CEP170B: variants seen among roughly 807,000 people sequenced by gnomAD.
The protein encoded by CEP170B is centrosomal protein 170B, also known as centrosomal protein of 170 kDa protein B.
In CEP170B, 55 loss-of-function variants were observed where a neutral mutation model predicts 120.6. The observed-to-expected ratio is 0.46, with a 90% CI of 0.37 to 0.57. CEP170B has a LOEUF of 0.57. Among genes scored for constraint, CEP170B ranks in the 20% least tolerant of loss-of-function variants. The probability of loss-of-function intolerance (pLI) is 0.00; values close to 1 mark genes in which losing one functional copy is unlikely to be tolerated. For missense variants in CEP170B, 2,212 were observed against 2,253.3 expected, an observed-to-expected ratio of 0.98 and a Z score of 0.37; for synonymous variants, 1,033 against 954.5, an observed-to-expected ratio of 1.08 and a Z score of -1.52.
At chr14:104,885,290 G>C (rs1896412117) in intron 9 of CEP170B, 79 bp from the exon 10 acceptor site, 1 of 1,429,790 alleles carries the variant, frequency 7.0e-7, no homozygotes, top group Admixed American at 2.8e-5. Flanking sequence ...CCTGTGGCCT[G>C]GGGGTGGCCA....
At chr14:104,890,615 A>ATGGAT (rs1896790770) in intron 13 of CEP170B, among the ~76,000 whole-genome samples, 1 of 18,356 alleles carries the variant, frequency 5.4e-5, no homozygotes, top group Non-Finnish European at 1.2e-4. Flanking sequence ...GATGGATGGA[A>ATGGAT]GGATGGATGA....
Position 104,885,396 on chromosome 14 carries a change from C to T in CEP170B, c.1798C>T (p.Leu600Phe), listed in dbSNP as rs748159843. The T allele has an allele frequency of 1.7e-5, 27 of 1,569,996 alleles. No individual in the cohort carries two copies. In the African/African-American group the frequency reaches 3.5e-4, roughly 20 times the overall value. Residue 600 changes from leucine to phenylalanine, a missense_variant, in exon 10 of 19, where the codon CTC becomes TTC. This residue lies in a region of CEP170B where 2,166 missense variants were observed against 2,166.7 expected (regional missense o/e 1.00). Coordinates refer to ENST00000414716, the MANE Select transcript of CEP170B (RefSeq NM_001112726.3). ...QVFGVLESPE[L>F]SRASSATFRP... ...CTTTGGGGTGTTGGAGTCCCCTGAA[C>T]TCTCCAGGGCATCTTCGGCCACCTT... is the stretch of plus-strand genomic sequence containing the variant.
upstream of CEP170B, chr14:104,865,178 G>T (rs1207923918): frequency 6.8e-6 from 1 of 146,032 alleles, no homozygotes; most frequent in Non-Finnish European, 1.5e-5. The surrounding 1 kb of genome is among the most constrained non-coding windows in gnomAD (Gnocchi z 6.7). Context: ...CCGGCGGGGC[G>T]GCGCGGGGTG....
rs964420919 is a variant in CEP170B at position 104,884,176 on chromosome 14, C to T, written c.1397C>T (p.Ser466Leu). 1.3e-5 allele frequency: 20 copies of T among 1,547,184 alleles called. No individual in the cohort carries two copies. The highest frequency in any genetic ancestry group is 6.8e-5 in the African/African-American group (5 of 73,160). The change falls in exon 9 of 19, where the codon TCG becomes TTG. Residue 466 changes from serine (S) to leucine (L), a missense_variant. By Grantham distance (145) the Ser-to-Leu change is moderately radical (BLOSUM62 -2). Coordinates refer to ENST00000414716, the MANE Select transcript of CEP170B (RefSeq NM_001112726.3). ...AGCTCGGGGCCACAGAGGGCCGGCT[C>T]GCTCAAGCGGGAGAAGACAGAGGAA... ...GRSSGPQRAG[S>L]LKREKTEERL... is the part of the protein sequence containing the mutation.
Position 104,884,486 on chromosome 14 carries a change from A to T in CEP170B, c.1707A>T (p.Thr569=). 1 of 1,564,524 alleles carries T rather than the reference A, an allele frequency of 6.4e-7. No homozygotes were observed. The highest frequency in any genetic ancestry group is 8.7e-7 in the Non-Finnish European group (1 of 1,154,446). Residue 569 remains threonine, a synonymous_variant, in exon 9 of 19, where the codon ACA becomes ACT. Transcript: ENST00000414716. The part of the protein sequence containing the change: ...EEDDSLSDAG[T]YTIETEAQDT... ...ACGACAGCCTCAGTGACGCAGGGACATACACCATCGAGACCGAGGCGCAGG... is the reference window on the plus strand; with the variant it reads ...ACGACAGCCTCAGTGACGCAGGGACTTACACCATCGAGACCGAGGCGCAGG...
chr14:104,873,331 G>A lies in CEP170B; in HGVS notation c.106-2925G>A, dbSNP rs181124273. On this transcript the variant is annotated intron_variant, in intron 2 of 18. Coordinates refer to ENST00000414716, the MANE Select transcript of CEP170B (RefSeq NM_001112726.3). Reference sequence around the variant, plus strand: ...GGGAAGGTGGGTGCAGGCAGGGGAGGGGGCTTGGACTGAAGGTGAGACCCA... The same window carrying A: ...GGGAAGGTGGGTGCAGGCAGGGGAGAGGGCTTGGACTGAAGGTGAGACCCA... Among the ~76,000 whole-genome samples the A allele has an allele frequency of 8.5e-3, 1,294 of 151,942 alleles. 9 individuals carry two copies. Among genetic ancestry groups the A allele is most frequent in the Middle Eastern group, 0.014 (4 of 294 alleles).
intron 1 of CEP170B, among the ~76,000 whole-genome samples, chr14:104,866,319 G>A (rs955299484): frequency 2.0e-5 from 3 of 152,222 alleles, no homozygotes; most frequent in African/African-American, 7.2e-5. Context: ...GCCGCGGCAG[G>A]TGATGGCAGA....
Position 104,893,505 on chromosome 14 carries a change from C to A in CEP170B, c.4039-18C>A. ...AGCCTCTGCCTGGGGCCCACGGTGC[C>A]GGCCCTCCCTCTTGCAGCTGGTGCA... On this transcript the variant is annotated intron_variant, in intron 14 of 18. Transcript: ENST00000414716. 6.3e-7 allele frequency: 1 copy of A among 1,596,444 alleles called. No homozygotes were observed. Among genetic ancestry groups the A allele is most frequent in the South Asian group, 1.1e-5 (1 of 87,670 alleles).
intron 13 of CEP170B, among the ~76,000 whole-genome samples, chr14:104,890,589 GGTGA>G (rs1374084394): frequency 2.9e-5 from 4 of 137,898 alleles, no homozygotes; most frequent in Admixed American, 7.2e-5. Context: ...TGGATGGATG[GGTGA>G]GTGAGTGGGT....
Position 104,886,141 on chromosome 14 carries a change from C to A in CEP170B, c.2035+11C>A. 2 of 1,527,608 alleles carry A rather than the reference C, an allele frequency of 1.3e-6. No homozygotes were observed. Among genetic ancestry groups the A allele is most frequent in the Non-Finnish European group, 8.8e-7 (1 of 1,138,566 alleles). 94.6% of individuals were successfully genotyped at this position (1,527,608 alleles called of 1,614,324 possible). ...ACCCGGGCCTCACAGGTAAGTGGCTCCAGTGCTGCGGGGGAGTCGGGCCAG... is the reference window on the plus strand; with the variant it reads ...ACCCGGGCCTCACAGGTAAGTGGCTACAGTGCTGCGGGGGAGTCGGGCCAG... On this transcript the variant is annotated intron_variant, in intron 11 of 18. Coordinates refer to ENST00000414716, the MANE Select transcript of CEP170B (RefSeq NM_001112726.3).
chr14:104,880,229 C>G (rs1476906571), intron 5 of CEP170B, 58 bp from the exon 6 acceptor site: 4 of 1,548,930 alleles, frequency 2.6e-6, no homozygotes, highest in Non-Finnish European at 3.5e-6. Flanking sequence ...TGGGCCCACC[C>G]TGGTGGGTTC....
Position 104,887,025 on chromosome 14 carries a change from T to C in CEP170B, c.2786T>C (p.Leu929Pro). The C allele has an allele frequency of 6.2e-7, 1 of 1,610,982 alleles. No homozygotes were observed. The highest frequency in any genetic ancestry group is 8.5e-7 in the Non-Finnish European group (1 of 1,179,796). Residue 929 changes from leucine (L) to proline (P), a missense_variant, in exon 12 of 19, where the codon CTC becomes CCC. Leu to Pro is a moderately conservative substitution (Grantham distance 98). Transcript: ENST00000414716. ...CTGGCGGCCCTGGAGGCCCGACTCC[T>C]CTCTAATTCTGTGGATGCCGAGTGT... Reference protein sequence around the residue: ...TALAALEARLLSNSVDAECEG... With the variant: ...TALAALEARLPSNSVDAECEG...
chr14:104,894,810 T>G lies in CEP170B; in HGVS notation c.4517T>G (p.Val1506Gly). Residue 1506 changes from valine to glycine, a missense_variant, in exon 19 of 19, where the codon GTG (valine) becomes GGG (glycine). By Grantham distance (109) the Val-to-Gly change is moderately radical (BLOSUM62 -3). Transcript: ENST00000414716. ...SAQPGLGKGR[V>G]AAQSPPSPAS... ...CAGCCGGGGCTGGGGAAGGGCCGCG[T>G]GGCTGCCCAGAGCCCACCCTCACCC... 4 of 1,608,832 alleles carry G rather than the reference T, an allele frequency of 2.5e-6. No homozygotes were observed. In the South Asian group the frequency reaches 4.4e-5, roughly 18 times the overall value.
At chr14:104,875,528 C>T (rs1261944052) in intron 2 of CEP170B, among the ~76,000 whole-genome samples, 2 of 151,832 alleles carry the variant, frequency 1.3e-5, no homozygotes, top group African/African-American at 2.4e-5. Context: ...GGGCAGCAGC[C>T]GTGCTTGCAG....
Position 104,865,289 on chromosome 14 carries a change from G to C in CEP170B, c.-252G>C, listed in dbSNP as rs997854496. ...CCGCAGACGTCAGGGACCCGCGCGC[G>C]AGGCCGCCGGCGGCCGCTCTGCCGT... On this transcript the variant is annotated 5_prime_UTR_variant, in exon 1 of 19. Transcript: ENST00000414716. This position sits in a 1 kb window ranked among gnomAD's most constrained non-coding sequence, Gnocchi z 6.7. 1.4e-5 allele frequency: 2 copies of C among 146,354 alleles called. No individual in the cohort carries two copies. Among genetic ancestry groups the C allele is most frequent in the South Asian group, 1.9e-4 (1 of 5,162 alleles). 9.1% of individuals were successfully genotyped at this position (146,354 alleles called of 1,614,324 possible).
chr14:104,885,985 CT>C, intron 10 of CEP170B, 54 bp from the exon 11 acceptor site: 1 of 1,453,584 alleles, frequency 6.9e-7, no homozygotes. Context: ...CTGGCACCCC[CT>C]GCTTCTCGCC....
chr14:104,883,118 C>G lies in CEP170B; in HGVS notation c.661C>G (p.Arg221Gly). The change falls in exon 8 of 19, where the codon CGG (arginine) becomes GGG (glycine). Residue 221 changes from arginine (R) to glycine (G), a missense_variant. By Grantham distance (125) the Arg-to-Gly change is moderately radical (BLOSUM62 -2). Coordinates refer to ENST00000414716, the MANE Select transcript of CEP170B (RefSeq NM_001112726.3). ...PAEPQGCSFR[R>G]EPSYFEIPTK... ...TGAGCCTCAGGGCTGCTCGTTCCGG[C>G]GGGAGCCCAGCTACTTCGAGATCCC... 4 of 1,593,710 alleles carry G rather than the reference C, an allele frequency of 2.5e-6. No individual in the cohort carries two copies. The highest frequency in any genetic ancestry group is 3.4e-6 in the Non-Finnish European group (4 of 1,172,884).
In CEP170B at chr14:104,882,682, TG is replaced by T. The variant is rs764149514; in HGVS notation, c.473-41del. The T allele has an allele frequency of 9.9e-6, 15 of 1,515,822 alleles. No homozygotes were observed. In the East Asian group the frequency reaches 3.3e-4, roughly 33 times the overall value. 93.9% of individuals were successfully genotyped at this position (1,515,822 alleles called of 1,614,324 possible). ...GCTGCCAGTTCTCTGCTTTTCACACTGGGGGCCCCAGCAACACAGGGTCTGA... is the reference window on the plus strand; with the variant it reads ...GCTGCCAGTTCTCTGCTTTTCACACTGGGGCCCCAGCAACACAGGGTCTGA... On this transcript the variant is annotated intron_variant, in intron 6 of 18. Transcript: ENST00000414716.
At chr14:104,879,135 G>A (rs995142252) in intron 5 of CEP170B, among the ~76,000 whole-genome samples, 1 of 152,182 alleles carries the variant, frequency 6.6e-6, no homozygotes, top group African/African-American at 2.4e-5. Context: ...ACAGTTATTT[G>A]GAGTCTTCGA....
Sources: allele counts gnomAD v4.1 joint callset (sites outside exome capture counted in the v4.1 genomes callset), GRCh38; gene constraint gnomAD v4.1.1; regional missense constraint gnomAD v4.1.1; non-coding constraint Gnocchi (gnomAD v3.1); transcripts MANE v1.5; gene names NCBI Gene and HGNC (gene_info 2026-07-23, HGNC 2026-07-21).